TMTC1: variants seen among roughly 807,000 people sequenced by gnomAD.
The protein encoded by TMTC1 is protein O-mannosyl-transferase TMTC1.
In TMTC1, 73 loss-of-function variants were observed where a neutral mutation model predicts 104.8. The ratio of observed to expected loss-of-function variants is 0.70; its 90% CI spans 0.58 to 0.85. The LOEUF is 0.85. Among genes scored for constraint, TMTC1 ranks in the 40% least tolerant of loss-of-function variants. The pLI is 0.00. For synonymous variants in TMTC1, 434 were observed against 428.7 expected (o/e 1.01, Z -0.15); for missense variants, 1,035 against 1,096.1 (o/e 0.94, Z 0.79).
At chr12:29,775,540 T>C (rs1345405992) in intron 1 of TMTC1, among the ~76,000 whole-genome samples, 1 of 152,180 alleles carries the variant, frequency 6.6e-6, no homozygotes, top group Non-Finnish European at 1.5e-5. Context: ...GGAAGAAACC[T>C]ACGGGACAAG....
At position 29,710,112 on chromosome 12, in the gene TMTC1, T is replaced by C. The variant is rs1219000367; in HGVS notation, c.938+41554A>G. The stretch of plus-strand genomic sequence containing the variant: ...TGTCTCTAGTCAAACAATCAGTACG[T>C]AGAGTCTATTTCTGTTTTCTCGTTT... On this transcript the variant is annotated intron_variant, in intron 5 of 17. Coordinates refer to ENST00000539277, the MANE Select transcript of TMTC1 (RefSeq NM_001193451.2). Among the ~76,000 whole-genome samples, 4 of 152,270 alleles carry C rather than the reference T, an allele frequency of 2.6e-5. No homozygotes were observed. In the East Asian group the frequency reaches 7.7e-4, roughly 29 times the overall value.
chr12:29,710,528 A>AATATATATATCCTTATATATAAT (rs1555190349), intron 5 of TMTC1, among the ~76,000 whole-genome samples: 6 of 146,132 alleles, frequency 4.1e-5, no homozygotes, highest in Non-Finnish European at 6.0e-5. Flanking sequence ...ATATATATAA[A>AATATATATATCCTTATATATAAT]ATATATATAT....
At chr12:29,640,183 T>C (rs1938767259) in intron 5 of TMTC1, among the ~76,000 whole-genome samples, 1 of 152,160 alleles carries the variant, frequency 6.6e-6, no homozygotes. Flanking sequence ...TCTCATTGTG[T>C]TCTGTTAAAG....
intron 6 of TMTC1, among the ~76,000 whole-genome samples, chr12:29,629,636 A>G (rs1457207528): frequency 1.3e-5 from 2 of 152,214 alleles, no homozygotes; most frequent in Admixed American, 6.5e-5. Flanking sequence ...TAGAGACAGA[A>G]AGCACATTAA....
chr12:29,648,434 A>G (rs1244817828), intron 5 of TMTC1, among the ~76,000 whole-genome samples: 2 of 152,152 alleles, frequency 1.3e-5, no homozygotes, highest in Non-Finnish European at 2.9e-5. Flanking sequence ...TCAGATGAGA[A>G]TCAAATTCTA....
In TMTC1 at chr12:29,751,811, G is replaced by A. The variant is rs1943097557; in HGVS notation, c.793C>T (p.Leu265=). The A allele has an allele frequency of 6.2e-7, 1 of 1,610,460 alleles. No homozygotes were observed. Among genetic ancestry groups the A allele is most frequent in the Non-Finnish European group, 8.5e-7 (1 of 1,178,290 alleles). ...QQPGSPQPSS[L]PGHPHRENGK... is the part of the protein sequence containing the mutation. ...TTCTCCCGGTGAGGATGGCCTGGCA[G>A]TGAGGAGGGCTGGGGGCTCCCGGGC... Residue 265 remains leucine (L), a synonymous_variant, in exon 5 of 18, where the codon CTG becomes TTG. Transcript: ENST00000539277.
chr12:29,756,424 C>T (rs1447221554), intron 3 of TMTC1, among the ~76,000 whole-genome samples: 1 of 152,094 alleles, frequency 6.6e-6, no homozygotes, highest in African/African-American at 2.4e-5. Context: ...TATATGCTTC[C>T]ATACATAAAA....
At chr12:29,614,686 G>C (rs908922030) in intron 6 of TMTC1, among the ~76,000 whole-genome samples, 29 of 152,130 alleles carry the variant, frequency 1.9e-4, no homozygotes, top group Non-Finnish European at 4.4e-5. Flanking sequence ...AATATCTCAA[G>C]TGTATATAAA....
intron 10 of TMTC1, among the ~76,000 whole-genome samples, chr12:29,539,281 G>A (rs1004320661): frequency 1.3e-5 from 2 of 151,378 alleles, no homozygotes; most frequent in Non-Finnish European, 2.9e-5. Flanking sequence ...CTGTATTATA[G>A]CACGTTTCTC....
intron 7 of TMTC1, among the ~76,000 whole-genome samples, chr12:29,585,611 T>G (rs1313168204): frequency 6.6e-6 from 1 of 152,194 alleles, no homozygotes; most frequent in East Asian, 1.9e-4. Flanking sequence ...TTGAATTAAT[T>G]TTTTGTATAA....
intron 5 of TMTC1, among the ~76,000 whole-genome samples, chr12:29,682,168 G>A (rs111451925): frequency 2.0e-5 from 3 of 152,190 alleles, no homozygotes; most frequent in African/African-American, 7.2e-5. Flanking sequence ...AGCCATTAGG[G>A]AAATGAAAAT....
At chr12:29,603,416 C>T (rs917217533) in intron 7 of TMTC1, among the ~76,000 whole-genome samples, 1 of 151,550 alleles carries the variant, frequency 6.6e-6, no homozygotes, top group Non-Finnish European at 1.5e-5. Context: ...TATCATAGTC[C>T]AAAGTGTTAA....
At chr12:29,567,449 T>C (rs1040343908) in intron 9 of TMTC1, among the ~76,000 whole-genome samples, 1 of 152,208 alleles carries the variant, frequency 6.6e-6, no homozygotes, top group Admixed American at 6.5e-5. Flanking sequence ...TGAATAAAAC[T>C]GCCAGATTTA....
At chr12:29,695,704 G>A (rs1397658506) in intron 5 of TMTC1, among the ~76,000 whole-genome samples, 3 of 150,048 alleles carry the variant, frequency 2.0e-5, no homozygotes, top group Non-Finnish European at 3.0e-5. Flanking sequence ...TAAAGGACTT[G>A]ACAATACTCA....
intron 11 of TMTC1, among the ~76,000 whole-genome samples, chr12:29,522,690 T>C (rs1185796375): frequency 6.6e-6 from 1 of 152,102 alleles, no homozygotes; most frequent in East Asian, 1.9e-4. Context: ...TCCACATGCA[T>C]TTACTGCAAT....
intron 6 of TMTC1, among the ~76,000 whole-genome samples, chr12:29,611,177 C>CATTT (rs35853101): frequency 7.7e-6 from 1 of 130,164 alleles, no homozygotes; most frequent in Non-Finnish European, 1.6e-5. Flanking sequence ...TTCTGAACTT[C>CATTT]TTTTTTTTTT....
At chr12:29,761,582 G>GGTT (rs11384292) in intron 2 of TMTC1, among the ~76,000 whole-genome samples, 1 of 149,400 alleles carries the variant, frequency 6.7e-6, no homozygotes, top group Non-Finnish European at 1.5e-5. Context: ...TGCATTTCTC[G>GGTT]TTTTTTTTTT....
chr12:29,695,113 G>C (rs1043023918), intron 5 of TMTC1, among the ~76,000 whole-genome samples: 8 of 152,022 alleles, frequency 5.3e-5, no homozygotes, highest in Non-Finnish European at 1.0e-4. Flanking sequence ...TTGACTTCCA[G>C]CCACATCACT....
At chr12:29,693,797 A>G (rs936472776) in intron 5 of TMTC1, among the ~76,000 whole-genome samples, 3 of 152,130 alleles carry the variant, frequency 2.0e-5, no homozygotes, top group Non-Finnish European at 2.9e-5. Context: ...TTTTCATAAG[A>G]GAAAAGTCTG....
Sources: allele counts gnomAD v4.1 joint callset (sites outside exome capture counted in the v4.1 genomes callset), GRCh38; gene constraint gnomAD v4.1.1; transcripts MANE v1.5; gene names NCBI Gene and HGNC (gene_info 2026-07-23, HGNC 2026-07-21).